The following RPS4X variants were observed in gnomAD, a reference collection of about 807,000 sequenced individuals.
The protein encoded by RPS4X is small ribosomal subunit protein eS4, X isoform.
For synonymous variants in RPS4X, 76 were observed against 76.8 expected, an observed-to-expected ratio of 0.99 and a Z score of 0.06; for missense variants, 90 against 219.1, an observed-to-expected ratio of 0.41 and a Z score of 3.72.
At position 72,272,498 on chromosome X, in the gene RPS4X, A is replaced by G. The variant is rs372262584; in HGVS notation, c.*173T>C. 9 of 380,796 alleles carry G rather than the reference A, an allele frequency of 2.4e-5. No individual in the cohort carries two copies. The South Asian group carries it at 2.8e-4, about 12-fold the overall frequency. The allele number at this position is 380,796 out of a possible 1,213,427, so 31.4% of individuals were successfully genotyped here. On this transcript the variant is annotated 3_prime_UTR_variant, in exon 7 of 7. Transcript: ENST00000316084. Reference sequence around the variant, plus strand: ...TCCCACCACTAACTAAGCCCAGCCAATAACAGACTGCCTAAGCCTGCCTGA... The same window carrying G: ...TCCCACCACTAACTAAGCCCAGCCAGTAACAGACTGCCTAAGCCTGCCTGA...
At chrX:72,275,799 C>T (rs2043200600) in intron 2 of RPS4X, 75 bp from the exon 3 acceptor site, 3 of 883,439 alleles carry the variant, frequency 3.4e-6, no homozygotes, top group African/African-American at 4.0e-5. Flanking sequence ...CCACCAGATC[C>T]ACTAACTGAA....
rs1265817079 is a variant in RPS4X, at chrX:72,276,234, C to T, written c.4G>A (p.Ala2Thr). The T allele has an allele frequency of 8.3e-6, 10 of 1,205,767 alleles. No homozygotes were observed. Among genetic ancestry groups the T allele is most frequent in the Non-Finnish European group, 4.5e-6 (4 of 890,881 alleles). Reference protein sequence around the residue: MARGPKKHLKRV... With the variant: MTRGPKKHLKRV... ...TTCAGATGCTTCTTGGGACCACGAG[C>T]CTGAAAGTTTTAGATTGCAATGCTG... Residue 2 changes from alanine (A) to threonine (T), a missense_variant and splice_region_variant, in exon 2 of 7, where the codon GCT (alanine) becomes ACT (threonine). Ala to Thr is a moderately conservative substitution (Grantham distance 58). Transcript: ENST00000316084.
At chrX:72,276,264 T>C (rs370583455) in intron 1 of RPS4X, 30 bp from the exon 2 acceptor site, 10 of 1,121,571 alleles carry the variant, frequency 8.9e-6, no homozygotes, top group Non-Finnish European at 1.1e-5. Flanking sequence ...ATGCTGTTAA[T>C]CAGGTTTCAG....
intron 1 of RPS4X, 32 bp downstream of exon 1, chrX:72,277,161 C>A: frequency 8.3e-7 from 1 of 1,208,713 alleles, no homozygotes; most frequent in Non-Finnish European, 1.1e-6. Context: ...GAGGCGGATA[C>A]GTCCTAAGAG....
chrX:72,274,074 A>T, intron 4 of RPS4X, 102 bp from the exon 5 acceptor site: 1 of 722,112 alleles, frequency 1.4e-6, no homozygotes, highest in South Asian at 2.4e-5. Context: ...ATTAATTGTG[A>T]CGCTGATCGT....
intron 6 of RPS4X, 47 bp downstream of exon 6, chrX:72,273,185 C>A: frequency 8.8e-7 from 1 of 1,137,630 alleles, no homozygotes. Flanking sequence ...CAGCCACCTG[C>A]ATTTACATAT....
chrX:72,272,279 T>A lies in RPS4X; in HGVS notation c.*392A>T, dbSNP rs959101459. On this transcript the variant is annotated 3_prime_UTR_variant, in exon 7 of 7. Transcript: ENST00000316084. Reference sequence around the variant, plus strand: ...TGAGCCAGGCTTGTGGATGGGCTAGTGCAATACAGACTGGAGAAGAAAATG... The same window carrying A: ...TGAGCCAGGCTTGTGGATGGGCTAGAGCAATACAGACTGGAGAAGAAAATG... The A allele has an allele frequency of 7.9e-6, 1 of 126,185 alleles. No homozygotes were observed. Among genetic ancestry groups the A allele is most frequent in the Admixed American group, 8.5e-5 (1 of 11,834 alleles). 10.4% of individuals were successfully genotyped at this position (126,185 alleles called of 1,213,427 possible).
Position 72,277,247 on chromosome X carries a change from T to C in RPS4X, c.-52A>G, listed in dbSNP as rs1219487689. 5.9e-6 allele frequency: 7 copies of C among 1,191,778 alleles called. No individual in the cohort carries two copies. Among genetic ancestry groups the C allele is most frequent in the Admixed American group, 4.4e-5 (2 of 45,354 alleles). Reference sequence around the variant, plus strand: ...CTCCGTCTTCCGGTGCGCGTAGAAATTGGGGCTGGAGACTGCGCGCGCCGG... The same window carrying C: ...CTCCGTCTTCCGGTGCGCGTAGAAACTGGGGCTGGAGACTGCGCGCGCCGG... On this transcript the variant is annotated 5_prime_UTR_variant, in exon 1 of 7. Coordinates refer to ENST00000316084, the MANE Select transcript of RPS4X (RefSeq NM_001007.5).
At chrX:72,274,167 C>T (rs1481612103) in intron 4 of RPS4X, 195 bp from the exon 5 acceptor site, 1 of 436,836 alleles carries the variant, frequency 2.3e-6, no homozygotes, top group East Asian at 4.0e-5. Context: ...TCCACTCCTC[C>T]AATGTAAATG....
rs3747302 is a variant in RPS4X, at chrX:72,275,732, G to A, written c.82-8C>T. The A allele has an allele frequency of 0.051, 60,481 of 1,174,877 alleles. 4,428 individuals carry two copies. Among genetic ancestry groups the A allele is most frequent in the East Asian group, 0.48 (15,580 of 32,253 alleles). On this transcript the variant is annotated splice_polypyrimidine_tract_variant and splice_region_variant and intron_variant, in intron 2 of 6. Transcript: ENST00000316084. The stretch of plus-strand genomic sequence containing the variant: ...GGTGGATGGACGAGGAGCCTGTAAC[G>A]TTAAAAATGATAATCACTGTTGGGA...
chrX:72,275,228 C>A, intron 3 of RPS4X, 78 bp from the exon 4 acceptor site: 1 of 674,199 alleles, frequency 1.5e-6, no homozygotes, highest in South Asian at 2.7e-5. Context: ...TAGCTCTCTA[C>A]GAAACAAAAA....
In RPS4X at chrX:72,276,238, A is replaced by C; in HGVS notation, c.4-4T>G. The stretch of plus-strand genomic sequence containing the variant: ...GATGCTTCTTGGGACCACGAGCCTG[A>C]AAGTTTTAGATTGCAATGCTGTTAA... On this transcript the variant is annotated splice_polypyrimidine_tract_variant and splice_region_variant and intron_variant, in intron 1 of 6. Transcript: ENST00000316084. 2.5e-6 allele frequency: 3 copies of C among 1,199,594 alleles called. No homozygotes were observed. Among genetic ancestry groups the C allele is most frequent in the Non-Finnish European group, 3.4e-6 (3 of 884,993 alleles).
chrX:72,275,823 C>G (rs2043200694), intron 2 of RPS4X, 99 bp from the exon 3 acceptor site: 1 of 693,088 alleles, frequency 1.4e-6, no homozygotes, highest in African/African-American at 2.2e-5. Context: ...CAAGACCGTC[C>G]ATATTACACC....
intron 2 of RPS4X, 44 bp downstream of exon 2, chrX:72,276,113 A>C (rs1238148739): frequency 3.8e-6 from 4 of 1,060,541 alleles, no homozygotes; most frequent in Non-Finnish European, 5.3e-6. Flanking sequence ...CCTGGGAGAC[A>C]CTTAAAAACA....
intron 5 of RPS4X, 36 bp from the exon 6 acceptor site, chrX:72,273,425 T>C: frequency 8.8e-7 from 1 of 1,135,075 alleles, no homozygotes; most frequent in Non-Finnish European, 1.2e-6. Context: ...CAACTCAATA[T>C]AACAAATGAC....
In RPS4X at chrX:72,276,163, A is replaced by G; in HGVS notation, c.75T>C (p.Gly25=). The G allele has an allele frequency of 8.3e-7, 1 of 1,205,107 alleles. No homozygotes were observed. The highest frequency in any genetic ancestry group is 1.1e-6 in the Non-Finnish European group (1 of 889,776). The change falls in exon 2 of 7, where the codon GGT becomes GGC. Residue 25 remains glycine, a synonymous_variant. Transcript: ENST00000316084. ...ATTTATATAAGATACTTACAAACAC[A>G]CCGGTCAATTTATCCAGCATCCAAT... ...PKHWMLDKLT[G]VFAPRPSTGP...
Position 72,272,559 on chromosome X carries a change from G to T in RPS4X, c.*112C>A, listed in dbSNP as rs191773447. 224 of 482,530 alleles carry T rather than the reference G, an allele frequency of 4.6e-4. No homozygotes were observed. In the African/African-American group the frequency reaches 4.9e-3, roughly 10 times the overall value. 39.8% of individuals were successfully genotyped at this position (482,530 alleles called of 1,213,427 possible). On this transcript the variant is annotated 3_prime_UTR_variant, in exon 7 of 7. Coordinates refer to ENST00000316084, the MANE Select transcript of RPS4X (RefSeq NM_001007.5). Reference sequence around the variant, plus strand: ...ACTGTTCATGTTATACAGTAAAATAGCAGGAAACTGAATTAAAAAAAAAAA... The same window carrying T: ...ACTGTTCATGTTATACAGTAAAATATCAGGAAACTGAATTAAAAAAAAAAA...
intron 4 of RPS4X, 43 bp downstream of exon 4, chrX:72,275,010 G>T: frequency 1.1e-6 from 1 of 923,495 alleles, no homozygotes; most frequent in Non-Finnish European, 1.6e-6. Context: ...TTAGAACAAA[G>T]TAACTATACT....
rs772048739 is a variant in RPS4X at position 72,275,649 on chromosome X, T to G, written c.157A>C (p.Lys53Gln). 18 of 1,208,665 alleles carry G rather than the reference T, an allele frequency of 1.5e-5. No homozygotes were observed. Among genetic ancestry groups the G allele is most frequent in the Non-Finnish European group, 1.8e-5 (16 of 892,895 alleles). ...PLIIFLRNRLKYALTGDEVKK... is the reference protein window; with the variant it reads ...PLIIFLRNRLQYALTGDEVKK... ...ACTTCATCTCCTGTCAGGGCATACT[T>G]AAGTCTGTTCCTCAGGAAAATGATG... Residue 53 changes from lysine to glutamine, a missense_variant, in exon 3 of 7, where the codon AAG becomes CAG. Transcript: ENST00000316084.
Sources: gnomAD v4.1 joint callset for allele counts on GRCh38, gnomAD v4.1.1 for gene constraint, MANE v1.5 for transcripts, NCBI Gene and HGNC (gene_info 2026-07-23, HGNC 2026-07-21) for gene names.